Variants in KCNQ1 observed in about 807,000 individuals in gnomAD.
KCNQ1 encodes potassium voltage-gated channel subfamily Q member 1.
A neutral mutation model predicts 72.4 loss-of-function variants in KCNQ1; 49 were observed. That is an observed-to-expected ratio of 0.68 (90% CI 0.54 to 0.86). The LOEUF (loss-of-function observed/expected upper bound fraction) is 0.86, where lower values mean the gene tolerates loss of function less well. Ranked by LOEUF, KCNQ1 falls within the 40% of genes least tolerant of loss-of-function variation. KCNQ1 has a pLI of 0.00. For synonymous variants in KCNQ1, 450 were observed against 412.6 expected, an observed-to-expected ratio of 1.09 and a Z score of -1.10; for missense variants, 790 against 945.1, an observed-to-expected ratio of 0.84 and a Z score of 2.15.
Position 2,619,250 on chromosome 11 carries a change from T to A in KCNQ1, c.1393+30396T>A, listed in dbSNP as rs1256779602. ...AGCTAGAGTGGGCATCCTTGCCTTG[T>A]ACTGGTTCATAGTAGAAGGGCTTCT... On this transcript the variant is annotated intron_variant, in intron 10 of 15. Coordinates refer to ENST00000155840, the MANE Select transcript of KCNQ1 (RefSeq NM_000218.3). The A allele has an allele frequency of 1.5e-5, 6 of 398,464 alleles. No individual in the cohort carries two copies. The Admixed American group carries it at 2.6e-4, about 18-fold the overall frequency. The allele number at this position is 398,464 out of a possible 1,614,324, so 24.7% of individuals were successfully genotyped here.
chr11:2,825,737 T>C (rs916159701), intron 15 of KCNQ1, among the ~76,000 whole-genome samples: 1 of 152,230 alleles, frequency 6.6e-6, no homozygotes, highest in African/African-American at 2.4e-5. Context: ...CCCAAAGCAG[T>C]CAGTCATTCA....
At chr11:2,807,592 G>A (rs1319125805) in intron 15 of KCNQ1, among the ~76,000 whole-genome samples, 1 of 152,200 alleles carries the variant, frequency 6.6e-6, no homozygotes, top group Non-Finnish European at 1.5e-5. Flanking sequence ...AGCCTACCAG[G>A]CCTTCCCGCC....
Position 2,447,895 on chromosome 11 carries a change from C to T in KCNQ1, c.386+2411C>T, listed in dbSNP as rs1442637115. Reference sequence around the variant, plus strand: ...CGCCTGGGGAAGCCAGCCAGGATATCCTGTCCCCTCCTCGGGGAACCCCCC... The same window carrying T: ...CGCCTGGGGAAGCCAGCCAGGATATTCTGTCCCCTCCTCGGGGAACCCCCC... On this transcript the variant is annotated intron_variant, in intron 1 of 15. Transcript: ENST00000155840. The surrounding 1 kb of genome is among the most constrained non-coding windows in gnomAD (Gnocchi z 7.6). Among the ~76,000 whole-genome samples, 1 of 152,168 alleles carries T rather than the reference C, an allele frequency of 6.6e-6. No homozygotes were observed. Among genetic ancestry groups the T allele is most frequent in the Non-Finnish European group, 1.5e-5 (1 of 68,012 alleles).
intron 1 of KCNQ1, among the ~76,000 whole-genome samples, chr11:2,449,828 A>C (rs1177163003): frequency 6.6e-6 from 1 of 152,134 alleles, no homozygotes; most frequent in African/African-American, 2.4e-5. Context: ...CTCCTTCTGC[A>C]CTTGACGTCC....
chr11:2,528,058 C>G lies in KCNQ1; in HGVS notation c.477+40C>G, dbSNP rs201932580. 5.9e-6 allele frequency: 9 copies of G among 1,537,690 alleles called. No homozygotes were observed. The Admixed American group carries it at 1.5e-4, about 26-fold the overall frequency. ...AGGGCATGGCTGGATGTCATGGCTG[C>G]CTTGGAAGCTGGCATCTCCCTGGCG... On this transcript the variant is annotated intron_variant, in intron 2 of 15. Transcript: ENST00000155840.
chr11:2,634,075 G>A (rs1849408678), intron 10 of KCNQ1: 1 of 397,614 alleles, frequency 2.5e-6, no homozygotes, highest in Non-Finnish European at 4.4e-6. Context: ...GTGGTCTTTT[G>A]TGGTTCCATG....
rs1011390115 is a variant in KCNQ1 at position 2,451,833 on chromosome 11, C to A, written c.386+6349C>A. 8.5e-5 allele frequency among the ~76,000 whole-genome samples: 13 copies of A among 152,176 alleles called. No individual in the cohort carries two copies. The highest frequency in any genetic ancestry group is 2.6e-4 in the Admixed American group (4 of 15,274). ...GAGACAACTAGGCCTGGCCACTTTG[C>A]TCATGCCACACCCAGAAAGCCCTCA... On this transcript the variant is annotated intron_variant, in intron 1 of 15. Transcript: ENST00000155840. The surrounding 1 kb of genome is among the most constrained non-coding windows in gnomAD (Gnocchi z 6.4).
chr11:2,494,331 C>G lies in KCNQ1; in HGVS notation c.387-33597C>G, dbSNP rs929232820. On this transcript the variant is annotated intron_variant, in intron 1 of 15. Coordinates refer to ENST00000155840, the MANE Select transcript of KCNQ1 (RefSeq NM_000218.3). This position sits in a 1 kb window ranked among gnomAD's most constrained non-coding sequence, Gnocchi z 4.6. Reference sequence around the variant, plus strand: ...GACTTCCTCTTTTCCTATTTGAATACTCTTTATTTTTTCGCTTGCCTTATT... The same window carrying G: ...GACTTCCTCTTTTCCTATTTGAATAGTCTTTATTTTTTCGCTTGCCTTATT... Among the ~76,000 whole-genome samples the G allele has an allele frequency of 7.9e-5, 12 of 152,246 alleles. No homozygotes were observed. Among genetic ancestry groups the G allele is most frequent in the Admixed American group, 2.0e-4 (3 of 15,292 alleles).
intron 1 of KCNQ1, among the ~76,000 whole-genome samples, chr11:2,466,976 G>T (rs1351800942): frequency 6.6e-6 from 1 of 152,242 alleles, no homozygotes; most frequent in African/African-American, 2.4e-5. Flanking sequence ...GGGGCTTTGG[G>T]GTGGGTTTGT....
intron 2 of KCNQ1, among the ~76,000 whole-genome samples, chr11:2,542,250 C>T (rs1847839026): frequency 1.3e-5 from 2 of 152,206 alleles, no homozygotes; most frequent in Admixed American, 6.5e-5. Context: ...GTTCTCAGTC[C>T]AGAGCCAATG....
At position 2,601,479 on chromosome 11, in the gene KCNQ1, A is replaced by G. The variant is rs972368324; in HGVS notation, c.1393+12625A>G. On this transcript the variant is annotated intron_variant, in intron 10 of 15. Coordinates refer to ENST00000155840, the MANE Select transcript of KCNQ1 (RefSeq NM_000218.3). The surrounding 1 kb of genome is among the most constrained non-coding windows in gnomAD (Gnocchi z 5.2). ...GCATCTTCTAAAACCATAGCACAATATGATAACCAGGATGTCAACAGCAAG... is the reference window on the plus strand; with the variant it reads ...GCATCTTCTAAAACCATAGCACAATGTGATAACCAGGATGTCAACAGCAAG... Among the ~76,000 whole-genome samples the G allele has an allele frequency of 6.6e-6, 1 of 152,196 alleles. No individual in the cohort carries two copies. The highest frequency in any genetic ancestry group is 1.5e-5 in the Non-Finnish European group (1 of 68,030).
chr11:2,811,089 C>G (rs1236474676), intron 15 of KCNQ1, among the ~76,000 whole-genome samples: 1 of 152,202 alleles, frequency 6.6e-6, no homozygotes, highest in Non-Finnish European at 1.5e-5. Flanking sequence ...CCCGGGTGGG[C>G]GTGGACCCTA....
intron 2 of KCNQ1, among the ~76,000 whole-genome samples, chr11:2,532,169 C>T (rs566780566): frequency 2.0e-5 from 3 of 152,188 alleles, no homozygotes; most frequent in Non-Finnish European, 4.4e-5. Flanking sequence ...GTTCATGGGG[C>T]TCTGGGAGGC....
intron 10 of KCNQ1, chr11:2,634,853 A>G (rs1043722725): frequency 6.6e-6 from 1 of 152,048 alleles, no homozygotes; most frequent in African/African-American, 2.4e-5. Context: ...TGTTTCCTGA[A>G]TTTTTAATGA....
Position 2,623,988 on chromosome 11 carries a change from T to C in KCNQ1, c.1393+35134T>C, listed in dbSNP as rs576923213. The C allele has an allele frequency of 3.1e-4, 125 of 398,866 alleles. 1 individual carries two copies. The South Asian group carries it at 5.0e-3, about 16-fold the overall frequency. 24.7% of individuals were successfully genotyped at this position (398,866 alleles called of 1,614,324 possible). ...AGGGCTGCACCACTTTACATTCCCA[T>C]TAATGGTATATGTCAAAGTGGCTGT... On this transcript the variant is annotated intron_variant, in intron 10 of 15. Transcript: ENST00000155840. This position sits in a 1 kb window ranked among gnomAD's most constrained non-coding sequence, Gnocchi z 5.2.
At position 2,782,156 on chromosome 11, in the gene KCNQ1, C is replaced by A. The variant is rs940858532; in HGVS notation, c.1794+4119C>A. Reference sequence around the variant, plus strand: ...GTCTTGGGCAGTTCCCCGAGCTGCACCCCCAGAGCCGCCGTGCTGCTGTTC... The same window carrying A: ...GTCTTGGGCAGTTCCCCGAGCTGCAACCCCAGAGCCGCCGTGCTGCTGTTC... On this transcript the variant is annotated intron_variant, in intron 15 of 15. Transcript: ENST00000155840. The surrounding 1 kb of genome is among the most constrained non-coding windows in gnomAD (Gnocchi z 6.1). 5.9e-5 allele frequency among the ~76,000 whole-genome samples: 9 copies of A among 152,244 alleles called. No homozygotes were observed. The highest frequency in any genetic ancestry group is 1.4e-4 in the African/African-American group (6 of 41,548).
At chr11:2,455,201 C>A (rs183506440) in intron 1 of KCNQ1, among the ~76,000 whole-genome samples, 11 of 152,098 alleles carry the variant, frequency 7.2e-5, no homozygotes, top group Admixed American at 3.9e-4. Flanking sequence ...AGGTTCACAC[C>A]ATTCTCCTGC....
rs1421656790 is a variant in KCNQ1 at position 2,609,193 on chromosome 11, A to G, written c.1393+20339A>G. The G allele has an allele frequency of 1.0e-5, 4 of 398,252 alleles. No individual in the cohort carries two copies. The South Asian group carries it at 5.1e-4, about 51-fold the overall frequency. The allele number at this position is 398,252 out of a possible 1,614,324, so 24.7% of individuals were successfully genotyped here. A position where few individuals can be genotyped will look rare whatever the true frequency, so the allele number is the denominator to read the frequency against. ...AAATTCCATCTTTACACTGCTTTAAATGTATCCCATAAGTTCTGTTATGTT... is the reference window on the plus strand; with the variant it reads ...AAATTCCATCTTTACACTGCTTTAAGTGTATCCCATAAGTTCTGTTATGTT... On this transcript the variant is annotated intron_variant, in intron 10 of 15. Coordinates refer to ENST00000155840, the MANE Select transcript of KCNQ1 (RefSeq NM_000218.3).
At chr11:2,719,104 G>A (rs1176295490) in intron 11 of KCNQ1, among the ~76,000 whole-genome samples, 2 of 152,228 alleles carry the variant, frequency 1.3e-5, no homozygotes, top group African/African-American at 2.4e-5. Context: ...CAACCGCAGA[G>A]CACCATCTCC....
Sources: allele counts gnomAD v4.1 joint callset (sites outside exome capture counted in the v4.1 genomes callset), GRCh38; gene constraint gnomAD v4.1.1; non-coding constraint Gnocchi (gnomAD v3.1); transcripts MANE v1.5; gene names NCBI Gene and HGNC (gene_info 2026-07-23, HGNC 2026-07-21).